The following PROZ variants were observed in gnomAD, a reference collection of about 807,000 sequenced individuals.
PROZ encodes vitamin K-dependent protein Z.
In PROZ, 46 loss-of-function variants were observed where a neutral mutation model predicts 34.9. The ratio of observed to expected loss-of-function variants is 1.32; its 90% CI spans 1.04 to 1.69. The LOEUF is 1.69. Ranked by LOEUF, PROZ falls within the 40% of genes most tolerant of loss-of-function variation. The pLI, the probability that PROZ is intolerant of heterozygous loss-of-function variation, is 0.00. For missense variants in PROZ, 530 were observed against 520.4 expected (o/e 1.02, Z -0.18); for synonymous variants, 195 against 208.5 (o/e 0.94, Z 0.56).
chr13:113,170,706 A>T (rs2037085412), intron 7 of PROZ, among the ~76,000 whole-genome samples, 176 bp downstream of exon 7: 1 of 152,178 alleles, frequency 6.6e-6, no homozygotes, highest in Non-Finnish European at 1.5e-5. Flanking sequence ...TACCAGCAGA[A>T]GCCTGGGCCC....
rs1216901700 is a variant in PROZ, at chr13:113,171,471, G to A, written c.692-123G>A. The A allele has an allele frequency of 6.5e-6, 8 of 1,236,930 alleles. No individual in the cohort carries two copies. In the East Asian group the frequency reaches 1.5e-4, roughly 23 times the overall value. The allele number at this position is 1,236,930 out of a possible 1,614,324, so 76.6% of individuals were successfully genotyped here. A position where few individuals can be genotyped will look rare whatever the true frequency, so the allele number is the denominator to read the frequency against. ...CACAGTGTCCACACCACGGGGCGGT[G>A]AGCCTGCGGGTCCTCCAGGGCCGGT... On this transcript the variant is annotated intron_variant, in intron 7 of 7. Coordinates refer to ENST00000375547, the MANE Select transcript of PROZ (RefSeq NM_003891.3). This position sits in a 1 kb window ranked among gnomAD's most constrained non-coding sequence, Gnocchi z 5.1.
chr13:113,169,989 A>G (rs2037060944), intron 6 of PROZ, among the ~76,000 whole-genome samples: 1 of 152,172 alleles, frequency 6.6e-6, no homozygotes, highest in Non-Finnish European at 1.5e-5. Context: ...TCTTCAATTT[A>G]GGGAGTCAGC....
At position 113,160,039 on chromosome 13, in the gene PROZ, C is replaced by CGA; in HGVS notation, c.97_98dup (p.Asp33GlufsTer5). On this transcript the variant is annotated frameshift_variant, in exon 2 of 8. Transcript: ENST00000375547. LOFTEE classifies it high-confidence loss of function. ...TATTTCTCCCGGCCTCCAAAGCAAACGACGTTCTGGTGAGGTGGAAGCGTG... is the reference window on the plus strand; with the variant it reads ...TATTTCTCCCGGCCTCCAAAGCAAACGAGACGTTCTGGTGAGGTGGAAGCGTG... 1 of 1,614,166 alleles carries CGA rather than the reference C, an allele frequency of 6.2e-7. No individual in the cohort carries two copies. Among genetic ancestry groups the CGA allele is most frequent in the Non-Finnish European group, 8.5e-7 (1 of 1,180,030 alleles).
rs1294488998 is a variant in PROZ, at chr13:113,170,446, TGTG to T, written c.614_616del (p.Gly205del). ...AACAAATTCCGAAGGAAAAGACTTC[TGTG>T]GTGGTGTTATAATACGGGAAAATTT... is the stretch of plus-strand genomic sequence containing the variant. On this transcript the variant is annotated inframe_deletion, in exon 7 of 8. Coordinates refer to ENST00000375547, the MANE Select transcript of PROZ (RefSeq NM_003891.3). 2.5e-6 allele frequency: 4 copies of T among 1,608,950 alleles called. No homozygotes were observed. The highest frequency in any genetic ancestry group is 3.4e-6 in the Non-Finnish European group (4 of 1,175,384).
chr13:113,161,095 G>A (rs2036752271), intron 3 of PROZ, 123 bp downstream of exon 3: 1 of 904,978 alleles, frequency 1.1e-6, no homozygotes, highest in Non-Finnish European at 1.9e-6. Context: ...AGGACCCACG[G>A]TGTCTCTCCA....
At chr13:113,163,388 C>CA (rs1555397574) in intron 4 of PROZ, among the ~76,000 whole-genome samples, 1 of 152,180 alleles carries the variant, frequency 6.6e-6, no homozygotes, top group Non-Finnish European at 1.5e-5. Context: ...CTCCCCCCAC[C>CA]ACCTCAACCA....
At chr13:113,161,529 G>T (rs1229137061) in intron 3 of PROZ, among the ~76,000 whole-genome samples, 1 of 152,184 alleles carries the variant, frequency 6.6e-6, no homozygotes, top group Admixed American at 6.5e-5. Flanking sequence ...CACCAGACAA[G>T]CACGGGGACA....
Position 113,160,012 on chromosome 13 carries a change from A to G in PROZ, c.71-2A>G. 6.2e-7 allele frequency: 1 copy of G among 1,613,932 alleles called. No individual in the cohort carries two copies. Among genetic ancestry groups the G allele is most frequent in the Non-Finnish European group, 8.5e-7 (1 of 1,180,018 alleles). ...TCACCTGCCTTCTTGTCTCGTCTGT[A>G]GTATTTCTCCCGGCCTCCAAAGCAA... On this transcript the variant is annotated splice_acceptor_variant, in intron 1 of 7. Coordinates refer to ENST00000375547, the MANE Select transcript of PROZ (RefSeq NM_003891.3). LOFTEE classifies it high-confidence loss of function.
At chr13:113,170,111 T>C (rs2037064910) in intron 6 of PROZ, among the ~76,000 whole-genome samples, 1 of 152,212 alleles carries the variant, frequency 6.6e-6, no homozygotes, top group African/African-American at 2.4e-5. Context: ...ATTCCATAGA[T>C]TTTGTCAATT....
intron 5 of PROZ, among the ~76,000 whole-genome samples, chr13:113,164,845 ACT>A (rs1241644278): frequency 6.6e-6 from 1 of 152,286 alleles, no homozygotes; most frequent in East Asian, 1.9e-4. Context: ...TGCTCGGACC[ACT>A]CTGAGCTAAA....
At chr13:113,162,868 C>T (rs1373458561) in intron 3 of PROZ, 141 bp from the exon 4 acceptor site, 2 of 662,518 alleles carry the variant, frequency 3.0e-6, no homozygotes, top group Non-Finnish European at 5.5e-6. Context: ...TGCTCAGGTG[C>T]TCAGGTCCCC....
chr13:113,164,263 C>A (rs893868802), intron 4 of PROZ, among the ~76,000 whole-genome samples: 1 of 152,140 alleles, frequency 6.6e-6, no homozygotes, highest in Non-Finnish European at 1.5e-5. Context: ...CAGGCATGAG[C>A]CACCGCGCCC....
intron 6 of PROZ, among the ~76,000 whole-genome samples, chr13:113,165,400 ATC>A (rs2036897510): frequency 6.6e-6 from 1 of 152,074 alleles, no homozygotes; most frequent in Admixed American, 6.5e-5. Context: ...GCATCTCAAA[ATC>A]TCTGCTCTCG....
At chr13:113,164,126 C>G (rs976497395) in intron 4 of PROZ, among the ~76,000 whole-genome samples, 5 of 151,882 alleles carry the variant, frequency 3.3e-5, no homozygotes, top group African/African-American at 9.7e-5. Flanking sequence ...ACTACAGGCA[C>G]GCGCCACCAC....
At position 113,170,399 on chromosome 13, in the gene PROZ, T is replaced by C. The variant is rs770472176; in HGVS notation, c.574-14T>C. 1 of 1,473,536 alleles carries C rather than the reference T, an allele frequency of 6.8e-7. No individual in the cohort carries two copies. Among genetic ancestry groups the C allele is most frequent in the Non-Finnish European group, 9.5e-7 (1 of 1,052,190 alleles). 91.3% of individuals were successfully genotyped at this position (1,473,536 alleles called of 1,614,324 possible). A position where few individuals can be genotyped will look rare whatever the true frequency, so the allele number is the denominator to read the frequency against. Reference sequence around the variant, plus strand: ...TTGTCACCAGCTATTTATTGTCTGTTTTGATTTTTAAAGGTAAAGTTAACA... The same window carrying C: ...TTGTCACCAGCTATTTATTGTCTGTCTTGATTTTTAAAGGTAAAGTTAACA... On this transcript the variant is annotated splice_polypyrimidine_tract_variant and intron_variant, in intron 6 of 7. Transcript: ENST00000375547.
chr13:113,171,565 A>G lies in PROZ; in HGVS notation c.692-29A>G. The G allele has an allele frequency of 6.2e-7, 1 of 1,613,864 alleles. No individual in the cohort carries two copies. ...TATGTCCCCTTGAAAATCAGACTGT[A>G]AAGAACTGACGATTGTTCATGATTT... On this transcript the variant is annotated intron_variant, in intron 7 of 7. Transcript: ENST00000375547. The surrounding 1 kb of genome is among the most constrained non-coding windows in gnomAD (Gnocchi z 5.1).
intron 6 of PROZ, among the ~76,000 whole-genome samples, chr13:113,167,201 C>T (rs140980121): frequency 6.6e-6 from 1 of 152,262 alleles, no homozygotes; most frequent in Non-Finnish European, 1.5e-5. Flanking sequence ...AGACTGATGG[C>T]GCAAGTGCCG....
intron 4 of PROZ, among the ~76,000 whole-genome samples, chr13:113,164,249 A>G (rs2036849732): frequency 1.3e-5 from 2 of 152,100 alleles, no homozygotes; most frequent in Non-Finnish European, 2.9e-5. Context: ...AAGTGCTGGG[A>G]TTACAGGCAT....
At chr13:113,164,381 C>A in intron 4 of PROZ, 132 bp from the exon 5 acceptor site, 1 of 1,027,106 alleles carries the variant, frequency 9.7e-7, no homozygotes, top group Non-Finnish European at 1.5e-6. Context: ...AACACATGGA[C>A]CAACACACCA....
Sources: gnomAD v4.1 joint callset for allele counts (sites outside exome capture counted in the v4.1 genomes callset) on GRCh38, gnomAD v4.1.1 for gene constraint, Gnocchi (gnomAD v3.1) non-coding constraint, MANE v1.5 for transcripts, NCBI Gene and HGNC (gene_info 2026-07-23, HGNC 2026-07-21) for gene names.